PFAS: variants seen among roughly 807,000 people sequenced by gnomAD.
The protein encoded by PFAS is phosphoribosylformylglycinamidine synthase.
In PFAS, 97 loss-of-function variants were observed where a neutral mutation model predicts 140.6. The observed-to-expected ratio is 0.69, with a 90% CI of 0.59 to 0.82. PFAS has a LOEUF of 0.82. Among genes scored for constraint, PFAS ranks in the 40% least tolerant of loss-of-function variants. The probability of loss-of-function intolerance (pLI) is 0.00; values close to 1 mark genes in which losing one functional copy is unlikely to be tolerated. For missense variants in PFAS, 1,656 were observed against 1,780.2 expected (o/e 0.93, Z 1.26); for synonymous variants, 679 against 718.8 (o/e 0.94, Z 0.88).
Position 8,267,327 on chromosome 17 carries a change from T to TG in PFAS, c.3176-41dup. 6.3e-7 allele frequency: 1 copy of TG among 1,598,374 alleles called. No homozygotes were observed. The highest frequency in any genetic ancestry group is 8.6e-7 in the Non-Finnish European group (1 of 1,166,520). The stretch of plus-strand genomic sequence containing the variant: ...CAGAAAGGTGTCTGGGGAGTTGGGG[T>TG]GGGGAAGTGACTTTCTGGCCCAAAG... On this transcript the variant is annotated intron_variant, in intron 24 of 27. Transcript: ENST00000314666. This position sits in a 1 kb window ranked among gnomAD's most constrained non-coding sequence, Gnocchi z 4.9.
At chr17:8,256,472 G>A in intron 7 of PFAS, 52 bp from the exon 8 acceptor site, 1 of 1,613,852 alleles carries the variant, frequency 6.2e-7, no homozygotes, top group South Asian at 1.1e-5. Context: ...CCCTGGTTGG[G>A]TTAGTGTAGG....
chr17:8,266,926 G>T lies in PFAS; in HGVS notation c.2967+28G>T, dbSNP rs1343878399. The T allele has an allele frequency of 1.9e-6, 3 of 1,598,676 alleles. No individual in the cohort carries two copies. The highest frequency in any genetic ancestry group is 2.6e-6 in the Non-Finnish European group (3 of 1,175,306). On this transcript the variant is annotated intron_variant, in intron 23 of 27. Coordinates refer to ENST00000314666, the MANE Select transcript of PFAS (RefSeq NM_012393.3). The surrounding 1 kb of genome is among the most constrained non-coding windows in gnomAD (Gnocchi z 5.0). ...GAGGAAGTGAGGGAGAGAGCGGTGT[G>T]CAGTGGGCAGTCAGAGTGGGGTGGC...
rs778152952 is a variant in PFAS at position 8,263,552 on chromosome 17, TCTC to T, written c.1568-20_1568-18del. The T allele has an allele frequency of 2.1e-5, 34 of 1,609,534 alleles. 1 individual carries two copies. In the South Asian group the frequency reaches 3.6e-4, roughly 17 times the overall value. On this transcript the variant is annotated intron_variant, in intron 13 of 27. Transcript: ENST00000314666. ...GCCTGACCACCACTAGGTCACTGCT[TCTC>T]CTTGCAACCCTCTCACCAGGCAATG... is the stretch of plus-strand genomic sequence containing the variant.
intron 13 of PFAS, 119 bp downstream of exon 13, chr17:8,263,384 C>G (rs1472605723): frequency 7.7e-6 from 9 of 1,175,572 alleles, no homozygotes; most frequent in East Asian, 4.7e-5. Flanking sequence ...ATTCTCCATG[C>G]TCTGTACATT....
chr17:8,252,783 A>C (rs1241136465), intron 1 of PFAS, among the ~76,000 whole-genome samples: 3 of 152,100 alleles, frequency 2.0e-5, no homozygotes, highest in East Asian at 1.9e-4. Flanking sequence ...ACACCCAGCA[A>C]ATTTTTGTAT....
chr17:8,253,831 G>C, intron 1 of PFAS, 28 bp from the exon 2 acceptor site: 1 of 1,453,668 alleles, frequency 6.9e-7, no homozygotes, highest in South Asian at 1.4e-5. Flanking sequence ...GAGCCACCAC[G>C]CCCGGCTTAG....
intron 11 of PFAS, among the ~76,000 whole-genome samples, chr17:8,261,567 T>C (rs1989595021): frequency 6.6e-6 from 1 of 152,006 alleles, no homozygotes; most frequent in South Asian, 2.1e-4. Context: ...TAGTTAGCTA[T>C]GCGTATATCT....
upstream of PFAS, chr17:8,248,152 CCTT>C: frequency 2.6e-6 from 2 of 781,116 alleles, no homozygotes; most frequent in Non-Finnish European, 4.4e-6. Flanking sequence ...ACCTCCAGCT[CCTT>C]CTCGCTGCTC....
Position 8,267,294 on chromosome 17 carries a change from C to A in PFAS, c.3175+59C>A. On this transcript the variant is annotated intron_variant, in intron 24 of 27. Transcript: ENST00000314666. This position sits in a 1 kb window ranked among gnomAD's most constrained non-coding sequence, Gnocchi z 4.9. The stretch of plus-strand genomic sequence containing the variant: ...GGGGCACTGAGCCTGGATGCCTGGG[C>A]CTGCCCTCAGAAAGGTGTCTGGGGA... 1 of 1,582,966 alleles carries A rather than the reference C, an allele frequency of 6.3e-7. No individual in the cohort carries two copies. Among genetic ancestry groups the A allele is most frequent in the Non-Finnish European group, 8.7e-7 (1 of 1,153,524 alleles).
rs1467491371 is a variant in PFAS, at chr17:8,255,018, A to G, written c.279-9A>G. The G allele has an allele frequency of 1.2e-6, 2 of 1,606,976 alleles. No individual in the cohort carries two copies. Among genetic ancestry groups the G allele is most frequent in the African/African-American group, 1.3e-5 (1 of 74,886 alleles). On this transcript the variant is annotated splice_polypyrimidine_tract_variant and intron_variant, in intron 3 of 27. Coordinates refer to ENST00000314666, the MANE Select transcript of PFAS (RefSeq NM_012393.3). The stretch of plus-strand genomic sequence containing the variant: ...TTCTCCAGTCCTAACCATCAGGCCC[A>G]TTGTTCAGGCTGAACTTCTCCACCC...
chr17:8,268,398 AAAGG>A, intron 26 of PFAS, 131 bp from the exon 27 acceptor site: 4 of 632,610 alleles, frequency 6.3e-6, no homozygotes, highest in South Asian at 4.1e-5. Flanking sequence ...AGAAAGAAGG[AAAGG>A]AAGGAAGGAG....
rs773017916 is a variant in PFAS at position 8,253,929 on chromosome 17, C to T, written c.-9C>T. The T allele has an allele frequency of 6.2e-7, 1 of 1,609,010 alleles. No individual in the cohort carries two copies. The highest frequency in any genetic ancestry group is 1.7e-5 in the Admixed American group (1 of 59,608). ...GGACACCTCTCTCCAGCAAAGGACA[C>T]CTGCAGAGATGTCCCCAGTCCTTCA... is the stretch of plus-strand genomic sequence containing the variant. On this transcript the variant is annotated 5_prime_UTR_variant, in exon 2 of 28. Transcript: ENST00000314666.
At chr17:8,263,021 A>G (rs1989655718) in intron 12 of PFAS, 28 bp downstream of exon 12, 2 of 1,611,636 alleles carry the variant, frequency 1.2e-6, no homozygotes, top group Non-Finnish European at 1.7e-6. Flanking sequence ...AAGGTGCAGA[A>G]TCCTTGATAT....
chr17:8,260,575 A>G (rs117036952), intron 11 of PFAS, among the ~76,000 whole-genome samples: 2 of 152,170 alleles, frequency 1.3e-5, no homozygotes, highest in African/African-American at 4.8e-5. Flanking sequence ...CTTTTTAGCT[A>G]TTATGCATAA....
intron 11 of PFAS, among the ~76,000 whole-genome samples, chr17:8,261,981 A>G (rs1433148659): frequency 6.6e-6 from 1 of 150,648 alleles, no homozygotes; most frequent in African/African-American, 2.4e-5. Context: ...GCATCACTGC[A>G]CTCCAGCCTG....
chr17:8,266,095 A>G lies in PFAS; in HGVS notation c.2701+78A>G. On this transcript the variant is annotated intron_variant, in intron 21 of 27. Transcript: ENST00000314666. The surrounding 1 kb of genome is among the most constrained non-coding windows in gnomAD (Gnocchi z 5.0). ...GCGTTCACCATCTGAGCAGTGGGGCAAAAGGGACTCCAATGGACGATGTAC... is the reference window on the plus strand; with the variant it reads ...GCGTTCACCATCTGAGCAGTGGGGCGAAAGGGACTCCAATGGACGATGTAC... 1.3e-6 allele frequency: 2 copies of G among 1,528,788 alleles called. No individual in the cohort carries two copies. Among genetic ancestry groups the G allele is most frequent in the Middle Eastern group, 1.9e-4 (1 of 5,328 alleles). 94.7% of individuals were successfully genotyped at this position (1,528,788 alleles called of 1,614,324 possible).
intron 1 of PFAS, among the ~76,000 whole-genome samples, 170 bp from the exon 2 acceptor site, chr17:8,253,689 G>A (rs1273247973): frequency 1.3e-5 from 2 of 152,004 alleles, no homozygotes; most frequent in East Asian, 1.9e-4. Flanking sequence ...ACAGGCGCCC[G>A]CCACCACACC....
intron 9 of PFAS, among the ~76,000 whole-genome samples, chr17:8,257,175 C>T (rs1054306745): frequency 6.6e-6 from 1 of 152,206 alleles, no homozygotes; most frequent in Non-Finnish European, 1.5e-5. Flanking sequence ...CTACGATTTT[C>T]TTTAAAAACT....
intron 3 of PFAS, 97 bp from the exon 4 acceptor site, chr17:8,254,930 G>A (rs372755890): frequency 2.9e-5 from 23 of 799,474 alleles, no homozygotes; most frequent in Middle Eastern, 2.3e-4. Flanking sequence ...AGGGGATAGC[G>A]GTGGGAGGTT....
Sources: allele counts gnomAD v4.1 joint callset (sites outside exome capture counted in the v4.1 genomes callset), GRCh38; gene constraint gnomAD v4.1.1; non-coding constraint Gnocchi (gnomAD v3.1); transcripts MANE v1.5; gene names NCBI Gene and HGNC (gene_info 2026-07-23, HGNC 2026-07-21).